The following CHST15 variants were observed in gnomAD, a reference collection of about 807,000 sequenced individuals.
CHST15 encodes carbohydrate sulfotransferase 15.
CHST15 carries 30 observed loss-of-function variants against 53.6 expected under a neutral mutation model. That is an observed-to-expected ratio of 0.56 (90% CI 0.42 to 0.76). CHST15 has a LOEUF of 0.76. Ranked by LOEUF, CHST15 falls within the 30% of genes least tolerant of loss-of-function variation. The pLI is 0.00. For missense variants in CHST15, 627 were observed against 740.5 expected, an observed-to-expected ratio of 0.85 and a Z score of 1.78; for synonymous variants, 296 against 289.8, an observed-to-expected ratio of 1.02 and a Z score of -0.22.
intron 2 of CHST15, 78 bp from the exon 3 acceptor site, chr10:124,044,997 G>T: frequency 1.1e-6 from 1 of 933,570 alleles, no homozygotes; most frequent in Non-Finnish European, 1.5e-6. Context: ...ATGGGAACCT[G>T]CCCTGAGACT....
intron 1 of CHST15, among the ~76,000 whole-genome samples, chr10:124,052,832 G>A (rs936408048): frequency 6.6e-6 from 1 of 152,088 alleles, no homozygotes. Flanking sequence ...TCAGGAGTTC[G>A]ACACCAGCCT....
intron 6 of CHST15, chr10:124,020,283 C>T: frequency 1.0e-6 from 1 of 985,528 alleles, no homozygotes. Flanking sequence ...GTCACAGAGC[C>T]AGCAAATGGC....
chr10:124,038,986 G>T (rs1174028163), intron 4 of CHST15, among the ~76,000 whole-genome samples: 5 of 152,050 alleles, frequency 3.3e-5, no homozygotes, highest in African/African-American at 4.8e-5. Context: ...TAGCACCTGG[G>T]CCCCCAGTTT....
At position 124,046,133 on chromosome 10, in the gene CHST15, G is replaced by C. The variant is rs902433319; in HGVS notation, c.80C>G (p.Pro27Arg). The C allele has an allele frequency of 7.4e-6, 12 of 1,614,026 alleles. No individual in the cohort carries two copies. Among genetic ancestry groups the C allele is most frequent in the Non-Finnish European group, 8.5e-6 (10 of 1,180,026 alleles). Residue 27 changes from proline to arginine, a missense_variant, in exon 2 of 8, where the codon CCC (proline) becomes CGC (arginine). Transcript: ENST00000435907. ...GGGGCACGCCTGGTGACCGTGATGG[G>C]GGCCCCCTTGGCAGTTGACCTGCTG... ...HKQQVNCQGGPHHGHQACPTC... is the reference protein window; with the variant it reads ...HKQQVNCQGGRHHGHQACPTC...
intron 1 of CHST15, among the ~76,000 whole-genome samples, chr10:124,057,070 T>A (rs1160611567): frequency 6.6e-6 from 1 of 152,210 alleles, no homozygotes; most frequent in East Asian, 1.9e-4. Context: ...AGGAGGGACC[T>A]TCCCAGCAAG....
Position 124,044,515 on chromosome 10 carries a change from G to A in CHST15, c.886+65C>T, listed in dbSNP as rs76459185. 2.0e-3 allele frequency: 2,618 copies of A among 1,331,766 alleles called. 38 individuals carry two copies. In the African/African-American group the frequency reaches 0.035, roughly 18 times the overall value. 82.5% of individuals were successfully genotyped at this position (1,331,766 alleles called of 1,614,324 possible). On this transcript the variant is annotated intron_variant, in intron 3 of 7. Transcript: ENST00000435907. ...CTCGCCCCCCAACCCCAGCGCTAAC[G>A]TTGCGGGAGGAATGAACGAATGAAG...
At chr10:124,046,859 A>C (rs1444586999) in intron 1 of CHST15, 135 bp from the exon 2 acceptor site, 1 of 152,208 alleles carries the variant, frequency 6.6e-6, no homozygotes, top group Non-Finnish European at 1.5e-5. Flanking sequence ...GTTCTAAGCA[A>C]GTCATAGAAA....
chr10:124,078,654 G>A (rs749920244), intron 1 of CHST15, among the ~76,000 whole-genome samples: 11 of 152,138 alleles, frequency 7.2e-5, no homozygotes, highest in Non-Finnish European at 1.5e-4. Context: ...TTGAACTTAC[G>A]GAAACGAATT....
Position 124,012,425 on chromosome 10 carries a change from A to G in CHST15, c.1403T>C (p.Phe468Ser). The stretch of plus-strand genomic sequence containing the variant: ...AAGAATGAGAAACTGTTGCTTGTCA[A>G]AAACGCTGAGCCAGTCCAGAAGGTA... ...AVYLLDWLSVFDKQQFLILRL... is the reference protein window; with the variant it reads ...AVYLLDWLSVSDKQQFLILRL... Residue 468 changes from phenylalanine (F) to serine (S), a missense_variant, in exon 7 of 8, where the codon TTT becomes TCT. This residue lies in a region of CHST15 where 279 missense variants were observed against 371.6 expected (regional missense o/e 0.75). Transcript: ENST00000435907. 6.2e-7 allele frequency: 1 copy of G among 1,614,202 alleles called. No individual in the cohort carries two copies. The highest frequency in any genetic ancestry group is 8.5e-7 in the Non-Finnish European group (1 of 1,180,038).
At position 124,046,339 on chromosome 10, in the gene CHST15, G is replaced by A. The variant is rs545477662; in HGVS notation, c.-127C>T. Reference sequence around the variant, plus strand: ...TGTGATCACAGAAGATGGATGGAAAGCACAAATACAAAAATAAGCAGACAC... The same window carrying A: ...TGTGATCACAGAAGATGGATGGAAAACACAAATACAAAAATAAGCAGACAC... On this transcript the variant is annotated 5_prime_UTR_variant, in exon 2 of 8. Transcript: ENST00000435907. 1.6e-4 allele frequency: 133 copies of A among 850,868 alleles called. No homozygotes were observed. The African/African-American group carries it at 2.1e-3, about 14-fold the overall frequency. The allele number at this position is 850,868 out of a possible 1,614,324, so 52.7% of individuals were successfully genotyped here.
rs1288660206 is a variant in CHST15 at position 124,074,572 on chromosome 10, G to A, written c.-513+18897C>T. Among the ~76,000 whole-genome samples, 1 of 152,014 alleles carries A rather than the reference G, an allele frequency of 6.6e-6. No individual in the cohort carries two copies. Among genetic ancestry groups the A allele is most frequent in the Non-Finnish European group, 1.5e-5 (1 of 67,994 alleles). ...ATCCCCCTGCACACCCAACACCTTCGCCACGTCTGCAGTCTCTGCCTCCTC... is the reference window on the plus strand; with the variant it reads ...ATCCCCCTGCACACCCAACACCTTCACCACGTCTGCAGTCTCTGCCTCCTC... On this transcript the variant is annotated intron_variant, in intron 1 of 7. Coordinates refer to ENST00000435907, the MANE Select transcript of CHST15 (RefSeq NM_001270764.2). This position sits in a 1 kb window ranked among gnomAD's most constrained non-coding sequence, Gnocchi z 4.4.
At position 124,045,697 on chromosome 10, in the gene CHST15, G is replaced by C; in HGVS notation, c.516C>G (p.Asp172Glu). ...RIEFTTRQLP[D>E]LEDLKKQELH... is the part of the protein sequence containing the mutation. ...ACTCCTGCTTCTTAAGGTCTTCTAA[G>C]TCTGGGAGCTGTCTGGTCGTGAACT... The change falls in exon 2 of 8, where the codon GAC becomes GAG. Residue 172 changes from aspartate (D) to glutamate (E), a missense_variant. By Grantham distance (45) the Asp-to-Glu change is conservative. This residue lies in a region of CHST15 where 187 missense variants were observed against 251.8 expected (regional missense o/e 0.74). Coordinates refer to ENST00000435907, the MANE Select transcript of CHST15 (RefSeq NM_001270764.2). 1 of 1,610,128 alleles carries C rather than the reference G, an allele frequency of 6.2e-7. No individual in the cohort carries two copies. The highest frequency in any genetic ancestry group is 8.5e-7 in the Non-Finnish European group (1 of 1,177,572).
intron 7 of CHST15, chr10:124,011,512 C>G: frequency 1.0e-6 from 1 of 985,476 alleles, no homozygotes; most frequent in Non-Finnish European, 1.2e-6. Flanking sequence ...ACCAAGTTCC[C>G]GGGCAAGACC....
intron 1 of CHST15, among the ~76,000 whole-genome samples, chr10:124,063,460 T>C (rs117974949): frequency 0.015 from 2,211 of 152,324 alleles, 83 homozygotes; most frequent in East Asian, 0.12. Flanking sequence ...ACCTAGTTTC[T>C]GATAACTCCA....
At position 124,021,275 on chromosome 10, in the gene CHST15, G is replaced by T; in HGVS notation, c.1328C>A (p.Thr443Asn). The T allele has an allele frequency of 6.2e-7, 1 of 1,612,296 alleles. No homozygotes were observed. The highest frequency in any genetic ancestry group is 8.5e-7 in the Non-Finnish European group (1 of 1,178,982). The change falls in exon 6 of 8, where the codon ACC becomes AAC. Residue 443 changes from threonine to asparagine, a missense_variant. Around this residue, in one of 3 missense-constraint regions of CHST15, gnomAD observed 279 missense variants for 371.6 expected, o/e 0.75. Coordinates refer to ENST00000435907, the MANE Select transcript of CHST15 (RefSeq NM_001270764.2). ...YSLRACVYNN[T>N]LNNAMPVRLQ... ...ACACACAGGCATGGCGTTGTTGAGG[G>T]TGTTGTTGTAGACGCAGGCGCGCAG...
chr10:124,022,530 A>G (rs775856949), intron 5 of CHST15, among the ~76,000 whole-genome samples: 3 of 152,238 alleles, frequency 2.0e-5, no homozygotes, highest in African/African-American at 4.8e-5. Flanking sequence ...GACCGTGCTA[A>G]TAAACACCAG....
At position 124,010,236 on chromosome 10, in the gene CHST15, C is replaced by G; in HGVS notation, c.1599G>C (p.Gln533His). 2 of 1,614,142 alleles carry G rather than the reference C, an allele frequency of 1.2e-6. No homozygotes were observed. Among genetic ancestry groups the G allele is most frequent in the Non-Finnish European group, 1.7e-6 (2 of 1,180,032 alleles). Reference sequence around the variant, plus strand: ...GCCTGTAGAAATCCCGCAGAATCTTCTGTGTGATGGGCCACATGGGCCCCA... The same window carrying G: ...GCCTGTAGAAATCCCGCAGAATCTTGTGTGTGATGGGCCACATGGGCCCCA... ...RNLGPMWPITQKILRDFYRPF... is the reference protein window; with the variant it reads ...RNLGPMWPITHKILRDFYRPF... Residue 533 changes from glutamine to histidine, a missense_variant, in exon 8 of 8, where the codon CAG becomes CAC. Coordinates refer to ENST00000435907, the MANE Select transcript of CHST15 (RefSeq NM_001270764.2).
chr10:124,018,524 G>A (rs935886582), intron 6 of CHST15, among the ~76,000 whole-genome samples: 1 of 152,212 alleles, frequency 6.6e-6, no homozygotes, highest in Admixed American at 6.5e-5. Context: ...GTTCAGATTC[G>A]CCTCTGTGCC....
chr10:124,010,569 C>T (rs1946382641), intron 7 of CHST15: 2 of 985,306 alleles, frequency 2.0e-6, no homozygotes, highest in Admixed American at 6.1e-5. Flanking sequence ...AGGATGCCCA[C>T]CCTCGGGGGA....
Sources: gnomAD v4.1 joint callset for allele counts (sites outside exome capture counted in the v4.1 genomes callset) on GRCh38, gnomAD v4.1.1 for gene constraint, gnomAD v4.1.1 regional missense constraint, Gnocchi (gnomAD v3.1) non-coding constraint, MANE v1.5 for transcripts, NCBI Gene and HGNC (gene_info 2026-07-23, HGNC 2026-07-21) for gene names.